The following TPO variants were observed in gnomAD, a reference collection of about 807,000 sequenced individuals.
TPO encodes thyroid peroxidase.
TPO carries 78 observed loss-of-function variants against 96.9 expected under a neutral mutation model. That is an observed-to-expected ratio of 0.81 (90% CI 0.67 to 0.97). The LOEUF (loss-of-function observed/expected upper bound fraction) is 0.97, where lower values mean the gene tolerates loss of function less well. TPO is among the 50% of genes least tolerant of loss of function. The pLI is 0.00. For synonymous variants in TPO, 547 were observed against 538.0 expected (o/e 1.02, Z -0.23); for missense variants, 1,252 against 1,274.8 (o/e 0.98, Z 0.27).
intron 1 of TPO, among the ~76,000 whole-genome samples, chr2:1,378,740 G>A (rs568748418): frequency 4.3e-4 from 65 of 152,302 alleles, no homozygotes; most frequent in Non-Finnish European, 1.5e-4. Flanking sequence ...CCGTGCACCC[G>A]GCAGATGCTG....
intron 2 of TPO, among the ~76,000 whole-genome samples, chr2:1,417,200 A>G (rs1663053861): frequency 6.6e-6 from 1 of 150,952 alleles, no homozygotes; most frequent in Non-Finnish European, 1.5e-5. Flanking sequence ...ATCCCAACAC[A>G]GTATCATCAG....
chr2:1,526,577 CG>C (rs1558410562), intron 15 of TPO, among the ~76,000 whole-genome samples: 10 of 147,566 alleles, frequency 6.8e-5, no homozygotes, highest in African/African-American at 2.3e-4. Context: ...TCAAATCCCA[CG>C]CCACTGTGAG....
intron 14 of TPO, among the ~76,000 whole-genome samples, chr2:1,506,042 C>A (rs1673424700): frequency 6.6e-6 from 1 of 151,744 alleles, no homozygotes; most frequent in Middle Eastern, 3.4e-3. Context: ...CCCCCTCCCC[C>A]AACCCCACAA....
chr2:1,480,738 T>TC (rs1558338737), intron 8 of TPO, among the ~76,000 whole-genome samples: 15 of 56,302 alleles, frequency 2.7e-4, no homozygotes, highest in Non-Finnish European at 6.0e-4. Flanking sequence ...AAACCATGTT[T>TC]CTCCTGCTGC....
intron 5 of TPO, chr2:1,438,757 C>G (rs1038597769): frequency 1.4e-6 from 1 of 701,388 alleles, no homozygotes; most frequent in Non-Finnish European, 2.6e-6. Context: ...GATTTGCAAA[C>G]AGAAGAGAAA....
chr2:1,417,937 C>T (rs994707906), intron 2 of TPO, among the ~76,000 whole-genome samples: 2 of 127,464 alleles, frequency 1.6e-5, no homozygotes. Flanking sequence ...TGACTCACAT[C>T]TGCAATCCCA....
intron 7 of TPO, among the ~76,000 whole-genome samples, chr2:1,463,267 T>C (rs565762635): frequency 4.6e-5 from 7 of 152,306 alleles, no homozygotes; most frequent in Admixed American, 3.9e-4. Context: ...CCTTCAGTAG[T>C]TGAGTGATTG....
chr2:1,494,497 T>C (rs1487945203), intron 11 of TPO, among the ~76,000 whole-genome samples: 1 of 152,144 alleles, frequency 6.6e-6, no homozygotes, highest in Non-Finnish European at 1.5e-5. Flanking sequence ...CACCTACAGA[T>C]AGCAGATGGT....
At chr2:1,488,273 G>A (rs942977600) in intron 10 of TPO, among the ~76,000 whole-genome samples, 12 of 152,212 alleles carry the variant, frequency 7.9e-5, no homozygotes, top group African/African-American at 1.4e-4. Context: ...GAGGGAGTGC[G>A]CGGGCAGACA....
chr2:1,381,953 A>G (rs1462804885), intron 1 of TPO, among the ~76,000 whole-genome samples: 2 of 152,182 alleles, frequency 1.3e-5, no homozygotes, highest in Non-Finnish European at 2.9e-5. Flanking sequence ...GCATAAGCAC[A>G]CATAAACGCA....
rs371917329 is a variant in TPO, at chr2:1,456,223, G to A, written c.760G>A (p.Gly254Arg). The change falls in exon 7 of 17, where the codon GGG becomes AGG. Residue 254 changes from glycine to arginine, a missense_variant. Coordinates refer to ENST00000329066, the MANE Select transcript of TPO (RefSeq NM_001206744.2). Reference sequence around the variant, plus strand: ...ACAGAGCACCAGCAAAGCTGCCTTCGGGGGAGGGGCTGACTGCCAGATGAC... The same window carrying A: ...ACAGAGCACCAGCAAAGCTGCCTTCAGGGGAGGGGCTGACTGCCAGATGAC... ...TPQSTSKAAF[G>R]GGADCQMTCE... The A allele has an allele frequency of 2.8e-5, 45 of 1,614,118 alleles. 1 individual carries two copies. Among genetic ancestry groups the A allele is most frequent in the South Asian group, 5.5e-5 (5 of 91,084 alleles).
intron 5 of TPO, among the ~76,000 whole-genome samples, chr2:1,445,894 A>G (rs1666760300): frequency 1.3e-5 from 2 of 151,482 alleles, no homozygotes; most frequent in Admixed American, 1.3e-4. Flanking sequence ...TTGGAAGGGA[A>G]TGGGGCAGGC....
At chr2:1,452,412 A>G (rs1292036221) in intron 5 of TPO, among the ~76,000 whole-genome samples, 1 of 152,240 alleles carries the variant, frequency 6.6e-6, no homozygotes, top group Non-Finnish European at 1.5e-5. Flanking sequence ...GTCCCAGGAA[A>G]TTATTAATAA....
At chr2:1,429,681 G>A (rs1040237865) in intron 3 of TPO, among the ~76,000 whole-genome samples, 2 of 152,218 alleles carry the variant, frequency 1.3e-5, no homozygotes, top group African/African-American at 4.8e-5. Context: ...GGAACTGGAG[G>A]TAGAGGCCGC....
intron 16 of TPO, chr2:1,541,107 GTATGTT>G (rs1428008868): frequency 2.6e-5 from 31 of 1,195,296 alleles, no homozygotes; most frequent in African/African-American, 8.0e-5. Flanking sequence ...GGAAAAATGT[GTATGTT>G]TATGTTTTAC....
chr2:1,508,482 C>G (rs1398750679), intron 14 of TPO, among the ~76,000 whole-genome samples: 1 of 152,132 alleles, frequency 6.6e-6, no homozygotes, highest in Non-Finnish European at 1.5e-5. Flanking sequence ...CCTTGTACCT[C>G]TGGTAGAATT....
intron 14 of TPO, among the ~76,000 whole-genome samples, chr2:1,510,579 G>A (rs1674000691): frequency 6.6e-6 from 1 of 152,178 alleles, no homozygotes; most frequent in Non-Finnish European, 1.5e-5. Flanking sequence ...ATGAATTCGT[G>A]CCTAAGAGGG....
intron 8 of TPO, among the ~76,000 whole-genome samples, chr2:1,480,805 G>GCATCCGTCCACACCACCTCCCTCCTCCTT (rs1670537654): frequency 1.6e-5 from 2 of 128,646 alleles, no homozygotes; most frequent in Admixed American, 1.5e-4. Context: ...TCCTCCTGCT[G>GCATCCGTCCACACCACCTCCCTCCTCCTT]CATCCGTCCA....
rs925048656 is a variant in TPO, at chr2:1,457,623, C to A, written c.819+1341C>A. ...TGTAGCATGTATGATAGTGTGTGGG[C>A]AGATGTGTACATAGCATGTATGATA... is the stretch of plus-strand genomic sequence containing the variant. On this transcript the variant is annotated intron_variant, in intron 7 of 16. Transcript: ENST00000329066. 1.2e-4 allele frequency among the ~76,000 whole-genome samples: 18 copies of A among 151,456 alleles called. No homozygotes were observed. The East Asian group carries it at 1.4e-3, about 12-fold the overall frequency.
Sources: gnomAD v4.1 joint callset for allele counts (sites outside exome capture counted in the v4.1 genomes callset) on GRCh38, gnomAD v4.1.1 for gene constraint, MANE v1.5 for transcripts, NCBI Gene and HGNC (gene_info 2026-07-23, HGNC 2026-07-21) for gene names.